The following DIPK2A variants were observed in gnomAD, a reference collection of about 807,000 sequenced individuals.
The protein encoded by DIPK2A is divergent protein kinase domain 2A.
In DIPK2A, 27 loss-of-function variants were observed where a neutral mutation model predicts 39.0. The observed-to-expected ratio is 0.69, with a 90% CI of 0.51 to 0.96. The LOEUF (loss-of-function observed/expected upper bound fraction) is 0.96, where lower values mean the gene tolerates loss of function less well. DIPK2A is among the 40% of genes least tolerant of loss of function. The probability of loss-of-function intolerance (pLI) is 0.00; values close to 1 mark genes in which losing one functional copy is unlikely to be tolerated. For missense variants in DIPK2A, 528 were observed against 571.3 expected (o/e 0.92, Z 0.77); for synonymous variants, 298 against 240.8 (o/e 1.24, Z -2.20).
At chr3:143,983,583 T>TA (rs2087857119) in intron 1 of DIPK2A, among the ~76,000 whole-genome samples, 1 of 152,188 alleles carries the variant, frequency 6.6e-6, no homozygotes, top group South Asian at 2.1e-4. Context: ...TCTATAGCAT[T>TA]AAATGCCCAC....
Position 143,972,043 on chromosome 3 carries a change from A to G in DIPK2A, c.-290A>G, listed in dbSNP as rs2087654102. On this transcript the variant is annotated 5_prime_UTR_variant, in exon 1 of 3. Transcript: ENST00000315691. ...CGCTCCCTCCCCCTCCCGCTCCTCT[A>G]TAACTTGGCTGGCGTGGAGGAGGCG... is the stretch of plus-strand genomic sequence containing the variant. The G allele has an allele frequency of 5.9e-6, 2 of 340,292 alleles. No homozygotes were observed. Among genetic ancestry groups the G allele is most frequent in the East Asian group, 4.4e-5 (1 of 22,612 alleles). 21.1% of individuals were successfully genotyped at this position (340,292 alleles called of 1,614,324 possible).
At chr3:143,984,276 T>C (rs1490633382) in intron 1 of DIPK2A, among the ~76,000 whole-genome samples, 1 of 152,224 alleles carries the variant, frequency 6.6e-6, no homozygotes, top group Non-Finnish European at 1.5e-5. Context: ...TTTCTTTTGA[T>C]AATATTTCCC....
Position 143,990,550 on chromosome 3 carries a change from A to G in DIPK2A, c.*709A>G, listed in dbSNP as rs557551663. ...GGTTATTTAACAGTTATATCCCTCT[A>G]TGCCAATAATTAGAAGTGTACACTA... On this transcript the variant is annotated 3_prime_UTR_variant, in exon 3 of 3. Transcript: ENST00000315691. 2.6e-5 allele frequency: 4 copies of G among 152,042 alleles called. No homozygotes were observed. The highest frequency in any genetic ancestry group is 7.3e-5 in the African/African-American group (3 of 41,348). The allele number at this position is 152,042 out of a possible 1,614,324, so 9.4% of individuals were successfully genotyped here.
intron 2 of DIPK2A, among the ~76,000 whole-genome samples, chr3:143,986,461 A>C (rs1199018618): frequency 6.6e-6 from 1 of 152,190 alleles, no homozygotes; most frequent in African/African-American, 2.4e-5. Flanking sequence ...GCGGTGGCTT[A>C]CGCCTGTAAT....
At chr3:143,976,577 AG>A in intron 1 of DIPK2A, among the ~76,000 whole-genome samples, 1 of 147,592 alleles carries the variant, frequency 6.8e-6, no homozygotes, top group African/African-American at 2.5e-5. Flanking sequence ...AGAGAGAGAG[AG>A]AGAGAGATGC....
At chr3:143,983,494 G>T (rs2087855554) in intron 1 of DIPK2A, among the ~76,000 whole-genome samples, 2 of 152,174 alleles carry the variant, frequency 1.3e-5, no homozygotes, top group East Asian at 1.9e-4. Flanking sequence ...AAGTAAATAA[G>T]TTATTTGAAA....
At position 143,985,584 on chromosome 3, in the gene DIPK2A, T is replaced by C. The variant is rs2087886833; in HGVS notation, c.699T>C (p.Leu233=). ...SDEGWPFAKY[L]GACGRMVAVN... is the part of the protein sequence containing the mutation. The stretch of plus-strand genomic sequence containing the variant: ...AAGGTTGGCCATTTGCAAAGTATCT[T>C]GGAGCTTGTGGAAGAATGGTGGCTG... The change falls in exon 2 of 3, where the codon CTT becomes CTC. Residue 233 remains leucine (L), a synonymous_variant. Coordinates refer to ENST00000315691, the MANE Select transcript of DIPK2A (RefSeq NM_173552.5). The C allele has an allele frequency of 1.2e-6, 2 of 1,614,200 alleles. No homozygotes were observed. The highest frequency in any genetic ancestry group is 2.7e-5 in the African/African-American group (2 of 75,068).
rs986819577 is a variant in DIPK2A at position 143,972,298 on chromosome 3, T to G, written c.-35T>G. The G allele has an allele frequency of 7.5e-7, 1 of 1,339,550 alleles. No homozygotes were observed. The highest frequency in any genetic ancestry group is 9.5e-7 in the Non-Finnish European group (1 of 1,050,658). 83.0% of individuals were successfully genotyped at this position (1,339,550 alleles called of 1,614,324 possible). On this transcript the variant is annotated 5_prime_UTR_variant, in exon 1 of 3. Coordinates refer to ENST00000315691, the MANE Select transcript of DIPK2A (RefSeq NM_173552.5). ...TGGCGCGGCGGGGGCGCCCCGGGGG[T>G]GCCCTCGCCCTCCCGTTGCGGGCGG...
chr3:143,988,593 C>T (rs569806544), intron 2 of DIPK2A, among the ~76,000 whole-genome samples: 9 of 152,256 alleles, frequency 5.9e-5, no homozygotes, highest in Admixed American at 2.6e-4. Context: ...AGCCTTGACT[C>T]CTTCAAGTAC....
At chr3:143,977,779 A>G (rs894447429) in intron 1 of DIPK2A, among the ~76,000 whole-genome samples, 5 of 152,062 alleles carry the variant, frequency 3.3e-5, no homozygotes, top group Non-Finnish European at 7.4e-5. Flanking sequence ...TTGCTCTTCA[A>G]GATAATCAAA....
Position 143,989,229 on chromosome 3 carries a change from G to A in DIPK2A, c.962-281G>A, listed in dbSNP as rs1374471419. On this transcript the variant is annotated intron_variant, in intron 2 of 2. Transcript: ENST00000315691. ...AATTTAATTCCCCACTATTCCTGTA[G>A]CATTGTGTCATATTTCTTTATGGCA... 2.0e-5 allele frequency among the ~76,000 whole-genome samples: 3 copies of A among 152,268 alleles called. No individual in the cohort carries two copies. In the East Asian group the frequency reaches 5.8e-4, roughly 29 times the overall value.
chr3:143,976,363 GA>G (rs376616926), intron 1 of DIPK2A, among the ~76,000 whole-genome samples: 114 of 148,076 alleles, frequency 7.7e-4, no homozygotes, highest in Middle Eastern at 3.5e-3. Flanking sequence ...GTAATCCTAT[GA>G]AAAAAAAAAT....
chr3:143,988,801 C>T (rs1673104763), intron 2 of DIPK2A, among the ~76,000 whole-genome samples: 1 of 152,152 alleles, frequency 6.6e-6, no homozygotes, highest in South Asian at 2.1e-4. Flanking sequence ...GAACCTTAAA[C>T]TTTACCCATA....
At chr3:143,973,420 G>A in intron 1 of DIPK2A, 1 of 1,550,336 alleles carries the variant, frequency 6.5e-7, no homozygotes, top group South Asian at 1.2e-5. Context: ...CACCGCGTTC[G>A]CTCTTCCTTT....
chr3:143,974,435 T>A (rs1459895085), intron 1 of DIPK2A, among the ~76,000 whole-genome samples: 1 of 152,228 alleles, frequency 6.6e-6, no homozygotes, highest in Non-Finnish European at 1.5e-5. Flanking sequence ...GAAGAAATTT[T>A]CTTTATTCAG....
chr3:143,985,344 G>A (rs1209810207), intron 1 of DIPK2A, among the ~76,000 whole-genome samples, 199 bp from the exon 2 acceptor site: 1 of 152,146 alleles, frequency 6.6e-6, no homozygotes, highest in African/African-American at 2.4e-5. Flanking sequence ...ATAATGTAAA[G>A]TTCTCTATTT....
chr3:143,973,077 C>A, intron 1 of DIPK2A, 88 bp downstream of exon 1: 7 of 1,469,008 alleles, frequency 4.8e-6, no homozygotes, highest in Middle Eastern at 2.2e-4. Context: ...CAGCGCTTGC[C>A]GCCAGTTCGG....
At chr3:143,981,659 A>G (rs1185617001) in intron 1 of DIPK2A, among the ~76,000 whole-genome samples, 2 of 152,230 alleles carry the variant, frequency 1.3e-5, no homozygotes, top group African/African-American at 4.8e-5. Flanking sequence ...TAAACAGATG[A>G]TAAATAAGCA....
At chr3:143,983,620 C>T (rs1026676803) in intron 1 of DIPK2A, among the ~76,000 whole-genome samples, 23 of 152,040 alleles carry the variant, frequency 1.5e-4, no homozygotes, top group Non-Finnish European at 3.4e-4. Flanking sequence ...GGTGTAAAAT[C>T]GACATCCTAA....
Sources: allele counts gnomAD v4.1 joint callset (sites outside exome capture counted in the v4.1 genomes callset), GRCh38; gene constraint gnomAD v4.1.1; transcripts MANE v1.5; gene names NCBI Gene and HGNC (gene_info 2026-07-23, HGNC 2026-07-21).